The following TSFM variants were observed in gnomAD, a reference collection of about 807,000 sequenced individuals.
TSFM encodes the protein Ts translation elongation factor, mitochondrial, also known as elongation factor Ts, mitochondrial.
A neutral mutation model predicts 33.4 loss-of-function variants in TSFM; 29 were observed. The ratio of observed to expected loss-of-function variants is 0.87; its 90% CI spans 0.65 to 1.18. The LOEUF (loss-of-function observed/expected upper bound fraction) is 1.18, where lower values mean the gene tolerates loss of function less well. Ranked by LOEUF, TSFM falls within the 50% of genes most tolerant of loss-of-function variation. The pLI is 0.00. For missense variants in TSFM, 394 were observed against 395.6 expected (o/e 1.00, Z 0.04); for synonymous variants, 178 against 163.5 (o/e 1.09, Z -0.68).
chr12:57,786,996 T>G (rs2140417914), intron 3 of TSFM, 44 bp from the exon 4 acceptor site: 1 of 1,576,102 alleles, frequency 6.3e-7, no homozygotes. Flanking sequence ...TTTTGGAAAT[T>G]ATCATTAAAC....
chr12:57,793,679 G>A (rs1027236245), intron 5 of TSFM, among the ~76,000 whole-genome samples: 4 of 152,092 alleles, frequency 2.6e-5, no homozygotes, highest in Non-Finnish European at 2.9e-5. Flanking sequence ...CACGGATTTT[G>A]GCTGTTTGCA....
chr12:57,784,160 G>A (rs1599932), intron 2 of TSFM: 235,675 of 701,622 alleles, frequency 0.34, 45,659 homozygotes, highest in East Asian at 0.7. Flanking sequence ...GTAGGCAGTT[G>A]TAACACAGTG....
intron 2 of TSFM, 86 bp downstream of exon 2, chr12:57,783,369 A>G: frequency 6.6e-7 from 1 of 1,506,184 alleles, no homozygotes; most frequent in Non-Finnish European, 9.2e-7. Context: ...ATAAAGTTAG[A>G]CTGCTCTTCA....
intron 5 of TSFM, among the ~76,000 whole-genome samples, chr12:57,793,661 C>T (rs1210163047): frequency 6.6e-6 from 1 of 152,108 alleles, no homozygotes; most frequent in African/African-American, 2.4e-5. Context: ...GATTTGTATC[C>T]AAAATCTCAC....
At chr12:57,797,602 CTTTT>C (rs1403647990), downstream of TSFM, 1 of 928,940 alleles carries the variant, frequency 1.1e-6, no homozygotes. Flanking sequence ...GGTTCTCTTT[CTTTT>C]GATTTCTCCA....
intron 4 of TSFM, among the ~76,000 whole-genome samples, chr12:57,789,496 T>C (rs1255278457): frequency 6.6e-6 from 1 of 152,170 alleles, no homozygotes; most frequent in Admixed American, 6.5e-5. Context: ...CCTGAGTAGC[T>C]AGGATTATAG....
chr12:57,787,234 G>C, intron 4 of TSFM, 72 bp downstream of exon 4: 1 of 1,424,150 alleles, frequency 7.0e-7, no homozygotes, highest in Non-Finnish European at 9.6e-7. Context: ...TCCTATTGTA[G>C]ACATTCTCAT....
At chr12:57,791,095 C>T (rs1233995794) in intron 4 of TSFM, among the ~76,000 whole-genome samples, 7 of 151,838 alleles carry the variant, frequency 4.6e-5, no homozygotes, top group East Asian at 3.9e-4. Context: ...CTACAGCCAC[C>T]GCCTCCTGGG....
Position 57,796,694 on chromosome 12 carries a change from TTAAA to T in TSFM, c.*114_*117del. ...GACCGAGAATGCATGGGTAAAATTA[TTAAA>T]TAGTTGTATAATAAAAATAATTTTT... On this transcript the variant is annotated 3_prime_UTR_variant, in exon 6 of 6. Coordinates refer to ENST00000652027, the MANE Select transcript of TSFM (RefSeq NM_005726.6). 1 of 1,254,448 alleles carries T rather than the reference TTAAA, an allele frequency of 8.0e-7. No individual in the cohort carries two copies. The highest frequency in any genetic ancestry group is 1.0e-6 in the Non-Finnish European group (1 of 994,584). The allele number at this position is 1,254,448 out of a possible 1,614,324, so 77.7% of individuals were successfully genotyped here.
rs556239299 is a variant in TSFM at position 57,785,161 on chromosome 12, T to C, written c.232-1002T>C. ...CAGGATGGTCTCGATCTCCTGACCT[T>C]GTGATCCGCCCACCTCAGCCTCCCA... On this transcript the variant is annotated intron_variant, in intron 2 of 5. Transcript: ENST00000652027. Among the ~76,000 whole-genome samples, 228 of 152,068 alleles carry C rather than the reference T, an allele frequency of 1.5e-3. 1 individual carries two copies. Among genetic ancestry groups the C allele is most frequent in the Admixed American group, 3.3e-3 (50 of 15,274 alleles).
downstream of TSFM, chr12:57,801,521 C>A: frequency 4.4e-6 from 1 of 225,280 alleles, no homozygotes; most frequent in Non-Finnish European, 8.9e-6. Context: ...GGGTGGATCA[C>A]CTGAGGTCAG....
At chr12:57,795,406 A>T (rs1206361709) in intron 5 of TSFM, among the ~76,000 whole-genome samples, 1 of 151,394 alleles carries the variant, frequency 6.6e-6, no homozygotes, top group Non-Finnish European at 1.5e-5. Flanking sequence ...GGCTGCTTTT[A>T]CATATATTAT....
At position 57,783,126 on chromosome 12, in the gene TSFM, G is replaced by C; in HGVS notation, c.74G>C (p.Arg25Pro). The C allele has an allele frequency of 6.2e-7, 1 of 1,610,714 alleles. No individual in the cohort carries two copies. Among genetic ancestry groups the C allele is most frequent in the South Asian group, 1.1e-5 (1 of 91,052 alleles). Residue 25 changes from arginine (R) to proline (P), a missense_variant, in exon 2 of 6, where the codon CGT becomes CCT. Arg to Pro is a moderately radical substitution (Grantham distance 103, BLOSUM62 -2). Around this residue, in one of 3 missense-constraint regions of TSFM, gnomAD observed 208 missense variants for 180.4 expected, o/e 1.15. Coordinates refer to ENST00000652027, the MANE Select transcript of TSFM (RefSeq NM_005726.6). ...TGSYPAGSLLRQSPQPRHTFY... is the reference protein window; with the variant it reads ...TGSYPAGSLLPQSPQPRHTFY... ...CTCATCTAGGCTGGGTCTCTTCTGC[G>C]TCAGTCGCCCCAGCCAAGGCACACA...
chr12:57,795,084 T>TATAC (rs1377279230), intron 5 of TSFM, among the ~76,000 whole-genome samples: 9 of 140,266 alleles, frequency 6.4e-5, no homozygotes, highest in Admixed American at 3.6e-4. Flanking sequence ...TATATATATA[T>TATAC]ATATGTATAT....
chr12:57,785,375 C>T (rs1470546251), intron 2 of TSFM, among the ~76,000 whole-genome samples: 4 of 152,210 alleles, frequency 2.6e-5, no homozygotes, highest in Non-Finnish European at 5.9e-5. Context: ...GGGGCAGTAA[C>T]GGGCATGGAC....
chr12:57,783,428 C>A, intron 2 of TSFM, 145 bp downstream of exon 2: 6 of 1,058,318 alleles, frequency 5.7e-6, no homozygotes, highest in South Asian at 5.2e-5. Context: ...TAAATGACAA[C>A]CTTGGCCTTG....
chr12:57,798,724 C>G (rs1955785221), downstream of TSFM, among the ~76,000 whole-genome samples: 1 of 151,240 alleles, frequency 6.6e-6, no homozygotes, highest in South Asian at 2.1e-4. Flanking sequence ...TCAAGCAGTT[C>G]TCCTCCCTCA....
chr12:57,784,271 C>T (rs1019148128), intron 2 of TSFM: 17 of 616,042 alleles, frequency 2.8e-5, no homozygotes, highest in African/African-American at 2.6e-4. Context: ...ATGGAGCTTG[C>T]AGGACTGGAA....
At chr12:57,793,671 C>T (rs1034047331) in intron 5 of TSFM, among the ~76,000 whole-genome samples, 8 of 152,160 alleles carry the variant, frequency 5.3e-5, no homozygotes, top group African/African-American at 1.7e-4. Flanking sequence ...CAAAATCTCA[C>T]GGATTTTGGC....
Sources: allele counts gnomAD v4.1 joint callset (sites outside exome capture counted in the v4.1 genomes callset), GRCh38; gene constraint gnomAD v4.1.1; regional missense constraint gnomAD v4.1.1; transcripts MANE v1.5; gene names NCBI Gene and HGNC (gene_info 2026-07-23, HGNC 2026-07-21).